Variants in NEK1 observed in about 807,000 individuals in gnomAD.
NEK1 encodes the protein serine/threonine-protein kinase Nek1.
In NEK1, 137 loss-of-function variants were observed where a neutral mutation model predicts 182.1. The observed-to-expected ratio is 0.75, with a 90% CI of 0.65 to 0.87. The LOEUF (loss-of-function observed/expected upper bound fraction) is 0.87, where lower values mean the gene tolerates loss of function less well. Among genes scored for constraint, NEK1 ranks in the 40% least tolerant of loss-of-function variants. The probability of loss-of-function intolerance (pLI) is 0.00; values close to 1 mark genes in which losing one functional copy is unlikely to be tolerated. For synonymous variants in NEK1, 513 were observed against 492.2 expected (o/e 1.04, Z -0.56); for missense variants, 1,391 against 1,494.4 (o/e 0.93, Z 1.14).
intron 23 of NEK1, among the ~76,000 whole-genome samples, chr4:169,499,676 G>A (rs1039661101): frequency 1.3e-5 from 2 of 152,088 alleles, no homozygotes; most frequent in South Asian, 2.1e-4. Flanking sequence ...ACTCCAGACC[G>A]TTTGCCTGGG....
At chr4:169,566,601 A>G (rs545439355) in intron 12 of NEK1, among the ~76,000 whole-genome samples, 17 of 152,326 alleles carry the variant, frequency 1.1e-4, no homozygotes, top group South Asian at 6.2e-4. Flanking sequence ...CAATACATGA[A>G]TATTTTGTGG....
intron 27 of NEK1, among the ~76,000 whole-genome samples, chr4:169,447,002 G>A (rs1425967320): frequency 6.6e-6 from 1 of 152,122 alleles, no homozygotes; most frequent in Non-Finnish European, 1.5e-5. Context: ...AGGAAGTAGA[G>A]AGACCGGGGT....
chr4:169,567,448 T>C (rs1763899799), intron 12 of NEK1, among the ~76,000 whole-genome samples: 1 of 152,034 alleles, frequency 6.6e-6, no homozygotes, highest in South Asian at 2.1e-4. Context: ...TCACCTGGGC[T>C]GGAGTGTAAT....
At chr4:169,558,421 T>C (rs1001688961) in intron 16 of NEK1, among the ~76,000 whole-genome samples, 17 of 152,226 alleles carry the variant, frequency 1.1e-4, no homozygotes, top group Non-Finnish European at 1.5e-4. Flanking sequence ...TTCCCTTGTG[T>C]TCCTTTGCAG....
chr4:169,534,743 C>T (rs1758191000), intron 19 of NEK1, among the ~76,000 whole-genome samples: 1 of 152,092 alleles, frequency 6.6e-6, no homozygotes, highest in South Asian at 2.1e-4. Context: ...AAACTATTTC[C>T]AAGTAACTTA....
At chr4:169,444,645 T>C (rs1446595955) in intron 27 of NEK1, among the ~76,000 whole-genome samples, 1 of 152,096 alleles carries the variant, frequency 6.6e-6, no homozygotes, top group African/African-American at 2.4e-5. Flanking sequence ...GACTCCAATA[T>C]AATAAGAGTT....
At chr4:169,468,099 T>A (rs550842742) in intron 26 of NEK1, among the ~76,000 whole-genome samples, 1 of 152,196 alleles carries the variant, frequency 6.6e-6, no homozygotes, top group Admixed American at 6.5e-5. Flanking sequence ...AAGATTTTTT[T>A]AAAAAGAACA....
chr4:169,495,903 T>C (rs1332577959), intron 23 of NEK1, among the ~76,000 whole-genome samples: 1 of 152,170 alleles, frequency 6.6e-6, no homozygotes, highest in Non-Finnish European at 1.5e-5. Context: ...TTTGGTTCCA[T>C]GTGAACTTTA....
At chr4:169,450,688 A>C (rs1371810383) in intron 27 of NEK1, among the ~76,000 whole-genome samples, 1 of 152,250 alleles carries the variant, frequency 6.6e-6, no homozygotes, top group South Asian at 2.1e-4. Flanking sequence ...AACTGGTACC[A>C]GCCACTGCAA....
At chr4:169,402,633 A>T (rs189015803) in intron 32 of NEK1, among the ~76,000 whole-genome samples, 19 of 152,292 alleles carry the variant, frequency 1.2e-4, no homozygotes, top group Admixed American at 7.2e-4. Context: ...ATTTATATAG[A>T]ACTTTTGTTT....
At chr4:169,555,047 C>A (rs1761973225) in intron 18 of NEK1, 1 of 152,188 alleles carries the variant, frequency 6.6e-6, no homozygotes, top group Non-Finnish European at 1.5e-5. Context: ...AAATTTGTCT[C>A]ACTATTCATA....
chr4:169,528,684 A>C (rs151098361), intron 19 of NEK1, among the ~76,000 whole-genome samples: 22 of 152,376 alleles, frequency 1.4e-4, no homozygotes, highest in African/African-American at 4.1e-4. Flanking sequence ...AGACAAATCC[A>C]CAATTATATT....
chr4:169,531,850 G>C (rs1230228892), intron 19 of NEK1, among the ~76,000 whole-genome samples: 1 of 152,214 alleles, frequency 6.6e-6, no homozygotes, highest in Middle Eastern at 3.4e-3. Flanking sequence ...ACATAAATCC[G>C]ATGAGCTTTA....
intron 27 of NEK1, among the ~76,000 whole-genome samples, chr4:169,453,495 CTG>C (rs1254138345): frequency 6.6e-6 from 1 of 152,210 alleles, no homozygotes; most frequent in Non-Finnish European, 1.5e-5. Context: ...CTCTGCAGCA[CTG>C]TGACATGTTC....
chr4:169,573,237 T>G (rs1008746107), intron 12 of NEK1, among the ~76,000 whole-genome samples: 1 of 152,166 alleles, frequency 6.6e-6, no homozygotes, highest in African/African-American at 2.4e-5. Flanking sequence ...CTAGCAGAAG[T>G]AATTGTGGGA....
At chr4:169,468,141 C>CA (rs1280270389) in intron 26 of NEK1, among the ~76,000 whole-genome samples, 1 of 151,854 alleles carries the variant, frequency 6.6e-6, no homozygotes, top group Admixed American at 6.6e-5. Context: ...AGATGAATCT[C>CA]AAAAATCATT....
At chr4:169,402,909 T>C (rs1407039094) in intron 32 of NEK1, among the ~76,000 whole-genome samples, 1 of 152,180 alleles carries the variant, frequency 6.6e-6, no homozygotes, top group Non-Finnish European at 1.5e-5. Flanking sequence ...AACTGATGTT[T>C]TAGATGTCTG....
At chr4:169,589,962 C>T (rs1768161806) in intron 6 of NEK1, among the ~76,000 whole-genome samples, 1 of 151,930 alleles carries the variant, frequency 6.6e-6, no homozygotes, top group Non-Finnish European at 1.5e-5. Flanking sequence ...AAGAAAAGGG[C>T]TTGCATAACT....
chr4:169,573,885 A>C (rs1765262500), intron 12 of NEK1, among the ~76,000 whole-genome samples: 2 of 152,238 alleles, frequency 1.3e-5, no homozygotes, highest in African/African-American at 4.8e-5. Flanking sequence ...TAAGCCAGGC[A>C]CGGTGGCTCA....
Sources: gnomAD v4.1 joint callset for allele counts (sites outside exome capture counted in the v4.1 genomes callset) on GRCh38, gnomAD v4.1.1 for gene constraint, MANE v1.5 for transcripts, NCBI Gene and HGNC (gene_info 2026-07-23, HGNC 2026-07-21) for gene names.